SPATA6: variants seen among roughly 807,000 people sequenced by gnomAD.
The protein encoded by SPATA6 is spermatogenesis associated 6, also known as spermatogenesis-associated protein 6.
In SPATA6, 56 loss-of-function variants were observed where a neutral mutation model predicts 65.3. The ratio of observed to expected loss-of-function variants is 0.86; its 90% confidence interval spans 0.69 to 1.07. SPATA6 has a LOEUF of 1.07. Ranked by LOEUF, SPATA6 falls within the 50% of genes least tolerant of loss-of-function variation. The pLI, the probability that SPATA6 is intolerant of heterozygous loss-of-function variation, is 0.00. For synonymous variants in SPATA6, 199 were observed against 213.2 expected, an observed-to-expected ratio of 0.93 and a Z score of 0.58; for missense variants, 590 against 594.8, an observed-to-expected ratio of 0.99 and a Z score of 0.08.
At chr1:48,277,207 G>C in the SPATA6 span, among the ~76,000 whole-genome samples, 1 of 151,904 alleles carries the variant, frequency 6.6e-6, no homozygotes, top group Non-Finnish European at 1.5e-5. Flanking sequence ...AGCCAAGATG[G>C]CCAAATAGGA....
intron 9 of SPATA6, among the ~76,000 whole-genome samples, chr1:48,361,610 C>T (rs1043343066): frequency 2.6e-5 from 4 of 152,046 alleles, no homozygotes; most frequent in Non-Finnish European, 4.4e-5. Context: ...GTTATAGTAG[C>T]GCTATTTGTT....
At chr1:48,465,089 C>G (rs1045267030) in intron 1 of SPATA6, among the ~76,000 whole-genome samples, 2 of 152,036 alleles carry the variant, frequency 1.3e-5, no homozygotes, top group Non-Finnish European at 2.9e-5. Context: ...TTCCATTACA[C>G]ATAACCAATA....
chr1:48,383,350 G>GC lies in SPATA6; in HGVS notation c.909+1958dup, dbSNP rs1350976516. Among the ~76,000 whole-genome samples the GC allele has an allele frequency of 1.6e-4, 9 of 56,832 alleles. 2 individuals are homozygous for GC. The South Asian group carries it at 2.3e-3, about 15-fold the overall frequency. 37.3% of individuals were successfully genotyped at this position (56,832 alleles called of 152,430 possible). The stretch of plus-strand genomic sequence containing the variant: ...TCCCGGACGGGGCGGCTGGCCGACC[G>GC]CCCCCCCGCCACCTCCCTCCCGGAT... On this transcript the variant is annotated intron_variant, in intron 9 of 12. Transcript: ENST00000371847.
At chr1:48,353,451 C>T (rs978701060) in intron 11 of SPATA6, among the ~76,000 whole-genome samples, 1 of 146,982 alleles carries the variant, frequency 6.8e-6, no homozygotes, top group African/African-American at 2.5e-5. Context: ...AAAAAACTCA[C>T]GTGTTACTTA....
chr1:48,325,528 G>A (rs563052325), intron 11 of SPATA6: 227 of 1,209,922 alleles, frequency 1.9e-4, no homozygotes, highest in Middle Eastern at 1.3e-3. Context: ...AATGTCACCC[G>A]GGAGTTCTTC....
chr1:48,281,585 T>C, the SPATA6 span, among the ~76,000 whole-genome samples: 8 of 151,930 alleles, frequency 5.3e-5, no homozygotes. Context: ...CCATTCACAA[T>C]TGCTTCAAAG....
intron 11 of SPATA6, among the ~76,000 whole-genome samples, chr1:48,313,987 C>T (rs1056834193): frequency 1.3e-5 from 2 of 152,156 alleles, no homozygotes; most frequent in Admixed American, 6.5e-5. Flanking sequence ...ACAAGAAGAG[C>T]TAACTATCCT....
intron 6 of SPATA6, among the ~76,000 whole-genome samples, chr1:48,402,400 ACTGT>A (rs1008405106): frequency 6.6e-6 from 1 of 152,154 alleles, no homozygotes; most frequent in Non-Finnish European, 1.5e-5. Context: ...AGAAAAAAAA[ACTGT>A]CTGAGTCCAG....
chr1:48,340,644 T>TA (rs760212077), intron 11 of SPATA6, among the ~76,000 whole-genome samples: 1 of 150,844 alleles, frequency 6.6e-6, no homozygotes, highest in East Asian at 1.9e-4. Flanking sequence ...ATGAAGGAGA[T>TA]AAAAAAAGAA....
the SPATA6 span, among the ~76,000 whole-genome samples, chr1:48,278,849 C>T: frequency 1.4e-4 from 22 of 152,180 alleles, no homozygotes; most frequent in South Asian, 6.2e-4. Flanking sequence ...AGATACTCCT[C>T]GAGAAGAGCA....
chr1:48,338,659 A>G (rs1236015179), intron 11 of SPATA6, among the ~76,000 whole-genome samples: 2 of 152,028 alleles, frequency 1.3e-5, no homozygotes, highest in Non-Finnish European at 2.9e-5. Context: ...TGTGAGAATC[A>G]CACCAGGCTA....
intron 10 of SPATA6, among the ~76,000 whole-genome samples, chr1:48,356,681 T>C (rs1000440532): frequency 6.6e-6 from 1 of 152,016 alleles, no homozygotes; most frequent in African/African-American, 2.4e-5. Flanking sequence ...CTAATTTTTG[T>C]ATTTTTAGTA....
intron 11 of SPATA6, among the ~76,000 whole-genome samples, chr1:48,306,790 G>C (rs964718573): frequency 6.6e-6 from 1 of 151,862 alleles, no homozygotes; most frequent in African/African-American, 2.4e-5. Context: ...ATGTGTAAAC[G>C]TGTGCAATAA....
chr1:48,285,611 T>C, the SPATA6 span, among the ~76,000 whole-genome samples: 2 of 152,008 alleles, frequency 1.3e-5, no homozygotes, highest in African/African-American at 4.8e-5. Context: ...GTTGCGAAGA[T>C]CATAGTAAAA....
intron 9 of SPATA6, among the ~76,000 whole-genome samples, chr1:48,366,331 C>T (rs1647010123): frequency 6.6e-6 from 1 of 152,128 alleles, no homozygotes; most frequent in Admixed American, 6.5e-5. Context: ...GGAGGATTCC[C>T]TCTTTTTCTA....
chr1:48,390,628 T>C (rs1649954718), intron 8 of SPATA6, among the ~76,000 whole-genome samples: 2 of 152,244 alleles, frequency 1.3e-5, no homozygotes, highest in Non-Finnish European at 1.5e-5. Context: ...CCACTCTTAA[T>C]TGATCATCAC....
intron 9 of SPATA6, among the ~76,000 whole-genome samples, chr1:48,376,673 T>A (rs1171719715): frequency 6.6e-6 from 1 of 152,162 alleles, no homozygotes; most frequent in African/African-American, 2.4e-5. Flanking sequence ...TATGCATTGC[T>A]TAACAATGGC....
chr1:48,288,748 C>T, the SPATA6 span, among the ~76,000 whole-genome samples: 1 of 152,210 alleles, frequency 6.6e-6, no homozygotes, highest in African/African-American at 2.4e-5. Flanking sequence ...TCACTCATTG[C>T]TAGCACAGCA....
rs151090740 is a variant in SPATA6, at chr1:48,431,730, A to T, written c.239-18579T>A. ...AATTAGAAAATACTTGGAGATAAAT[A>T]AAAATGAAAATACAATACCAAAACT... On this transcript the variant is annotated intron_variant, in intron 3 of 12. Coordinates refer to ENST00000371847, the MANE Select transcript of SPATA6 (RefSeq NM_019073.4). Among the ~76,000 whole-genome samples, 119 of 152,348 alleles carry T rather than the reference A, an allele frequency of 7.8e-4. 3 individuals are homozygous for T. In the East Asian group the frequency reaches 0.02, roughly 26 times the overall value.
Sources: allele counts gnomAD v4.1 joint callset (sites outside exome capture counted in the v4.1 genomes callset), GRCh38; gene constraint gnomAD v4.1.1; transcripts MANE v1.5; gene names NCBI Gene and HGNC (gene_info 2026-07-23, HGNC 2026-07-21).